The following CDYL2 variants were observed in gnomAD, a reference collection of about 807,000 sequenced individuals.
CDYL2 encodes the protein chromodomain Y-like protein 2.
In CDYL2, 23 loss-of-function variants were observed where a neutral mutation model predicts 49.4. That is an observed-to-expected ratio of 0.47 (90% CI 0.34 to 0.66). The LOEUF (loss-of-function observed/expected upper bound fraction) is 0.66. CDYL2 is among the 30% of genes least tolerant of loss of function. The pLI is 0.01. For synonymous variants in CDYL2, 360 were observed against 268.8 expected (o/e 1.34, Z -3.32); for missense variants, 678 against 656.4 (o/e 1.03, Z -0.36).
At position 80,719,925 on chromosome 16, in the gene CDYL2, G is replaced by C. The variant is rs190088040; in HGVS notation, c.25-34796C>G. Among the ~76,000 whole-genome samples the C allele has an allele frequency of 5.9e-5, 9 of 152,314 alleles. No homozygotes were observed. In the East Asian group the frequency reaches 1.5e-3, roughly 26 times the overall value. ...CCTCCCCTGGCATAGAGAGGCCAAA[G>C]GCCCTCCTCTGTACCCAAACCCTGA... On this transcript the variant is annotated intron_variant, in intron 1 of 6. Transcript: ENST00000570137.
chr16:80,660,144 C>T (rs78448787), intron 2 of CDYL2, among the ~76,000 whole-genome samples: 3,957 of 151,754 alleles, frequency 0.026, 137 homozygotes, highest in African/African-American at 0.071. Context: ...GTTCTAACAC[C>T]AAGAAAATTT....
At chr16:80,641,582 T>C (rs558398974) in intron 2 of CDYL2, among the ~76,000 whole-genome samples, 79 of 151,136 alleles carry the variant, frequency 5.2e-4, no homozygotes, top group African/African-American at 1.8e-3. Flanking sequence ...AAATGAAGAG[T>C]TCATGTCCTT....
At chr16:80,717,874 A>G (rs1016262912) in intron 1 of CDYL2, among the ~76,000 whole-genome samples, 2 of 152,258 alleles carry the variant, frequency 1.3e-5, no homozygotes, top group African/African-American at 4.8e-5. Flanking sequence ...TAGAACAGTT[A>G]TCCCACATGG....
At chr16:80,741,959 A>C (rs1905752400) in intron 1 of CDYL2, 1 of 152,278 alleles carries the variant, frequency 6.6e-6, no homozygotes, top group Non-Finnish European at 1.5e-5. Flanking sequence ...TAACCAGAAC[A>C]ATGTGCAAGG....
chr16:80,674,097 T>C (rs1030679012), intron 2 of CDYL2, among the ~76,000 whole-genome samples: 7 of 152,096 alleles, frequency 4.6e-5, no homozygotes, highest in Non-Finnish European at 8.8e-5. Flanking sequence ...AGCCACCAAG[T>C]TGGGAGGAAT....
intron 1 of CDYL2, among the ~76,000 whole-genome samples, chr16:80,753,015 A>C (rs1906188342): frequency 6.6e-6 from 1 of 152,242 alleles, no homozygotes; most frequent in African/African-American, 2.4e-5. Flanking sequence ...AATTAGTAAT[A>C]ATGACATGTG....
At position 80,736,143 on chromosome 16, in the gene CDYL2, C is replaced by T. The variant is rs550637854; in HGVS notation, c.25-51014G>A. Among the ~76,000 whole-genome samples the T allele has an allele frequency of 2.0e-5, 3 of 152,356 alleles. No individual in the cohort carries two copies. The East Asian group carries it at 5.8e-4, about 29-fold the overall frequency. Reference sequence around the variant, plus strand: ...CCCAAGGCCACTGTGTGCAAACCTCCATCTCGTGGGTTGTTCATCAGCTCC... The same window carrying T: ...CCCAAGGCCACTGTGTGCAAACCTCTATCTCGTGGGTTGTTCATCAGCTCC... On this transcript the variant is annotated intron_variant, in intron 1 of 6. Transcript: ENST00000570137.
chr16:80,679,202 TG>T (rs1258056162), intron 2 of CDYL2, among the ~76,000 whole-genome samples: 2 of 151,908 alleles, frequency 1.3e-5, no homozygotes, highest in African/African-American at 4.8e-5. Flanking sequence ...GCATGTCACA[TG>T]TATACATATG....
intron 1 of CDYL2, among the ~76,000 whole-genome samples, chr16:80,697,400 CA>C (rs1359850994): frequency 6.6e-6 from 1 of 152,028 alleles, no homozygotes; most frequent in Non-Finnish European, 1.5e-5. Context: ...CTCAACAAAT[CA>C]GGTAGACAAG....
At chr16:80,718,762 G>A (rs570817196) in intron 1 of CDYL2, among the ~76,000 whole-genome samples, 2 of 152,172 alleles carry the variant, frequency 1.3e-5, no homozygotes, top group Non-Finnish European at 2.9e-5. Context: ...ATGGGCCAGA[G>A]GGCAGCATCC....
At chr16:80,641,079 G>A (rs1023036122) in intron 2 of CDYL2, among the ~76,000 whole-genome samples, 4 of 152,096 alleles carry the variant, frequency 2.6e-5, no homozygotes, top group Non-Finnish European at 1.5e-5. Context: ...CCTAGAGAAA[G>A]ATATCAATAT....
At chr16:80,740,905 C>G (rs924761879) in intron 1 of CDYL2, among the ~76,000 whole-genome samples, 2 of 150,930 alleles carry the variant, frequency 1.3e-5, no homozygotes, top group African/African-American at 4.9e-5. Context: ...TGGGAAGTTT[C>G]ATTACTATAA....
At position 80,598,955 on chromosome 16, in the gene CDYL2, T is replaced by A. The variant is rs947695449; in HGVS notation, c.*5433A>T. The stretch of plus-strand genomic sequence containing the variant: ...CAATATTGTCACAATCCTGTCAACA[T>A]CGACACTGGCAAATGACTTCAAGCT... On this transcript the variant is annotated 3_prime_UTR_variant, in exon 7 of 7. Coordinates refer to ENST00000570137, the MANE Select transcript of CDYL2 (RefSeq NM_152342.4). 1 of 152,034 alleles carries A rather than the reference T, an allele frequency of 6.6e-6. No individual in the cohort carries two copies. Among genetic ancestry groups the A allele is most frequent in the Non-Finnish European group, 1.5e-5 (1 of 68,018 alleles). 9.4% of individuals were successfully genotyped at this position (152,034 alleles called of 1,614,324 possible). A position where few individuals can be genotyped will look rare whatever the true frequency, so the allele number is the denominator to read the frequency against.
intron 3 of CDYL2, among the ~76,000 whole-genome samples, chr16:80,628,545 G>A (rs1181731301): frequency 2.0e-5 from 3 of 152,184 alleles, no homozygotes; most frequent in Non-Finnish European, 4.4e-5. Context: ...CCACTTGACA[G>A]CAGCCTTGTA....
In CDYL2 at chr16:80,607,684, G is replaced by T. The variant is rs545266355; in HGVS notation, c.1362+408C>A. Among the ~76,000 whole-genome samples the T allele has an allele frequency of 8.8e-4, 134 of 152,350 alleles. 1 individual carries two copies. Among genetic ancestry groups the T allele is most frequent in the African/African-American group, 3.1e-3 (128 of 41,572 alleles). On this transcript the variant is annotated intron_variant, in intron 6 of 6. Coordinates refer to ENST00000570137, the MANE Select transcript of CDYL2 (RefSeq NM_152342.4). ...CGAGCAGTCGGTGGAGAAAACAAAT[G>T]AAATAGAGGCATGGTGTGTACAGCT... is the stretch of plus-strand genomic sequence containing the variant.
intron 2 of CDYL2, among the ~76,000 whole-genome samples, chr16:80,652,719 G>A (rs1254585707): frequency 6.6e-6 from 1 of 152,162 alleles, no homozygotes; most frequent in Non-Finnish European, 1.5e-5. Context: ...ATGAACTATA[G>A]ACCTGATAGG....
chr16:80,804,625 C>T (rs1324869658), upstream of CDYL2, among the ~76,000 whole-genome samples: 1 of 145,478 alleles, frequency 6.9e-6, no homozygotes, highest in Admixed American at 6.8e-5. Context: ...CCCGGGAGCC[C>T]GGCCCGGCCC....
chr16:80,716,706 G>C (rs1272097233), intron 1 of CDYL2, among the ~76,000 whole-genome samples: 2 of 151,906 alleles, frequency 1.3e-5, no homozygotes, highest in South Asian at 2.1e-4. Flanking sequence ...TGAATGAATG[G>C]ATAGATATAG....
At chr16:80,608,368 T>G in intron 5 of CDYL2, 133 bp from the exon 6 acceptor site, 2 of 987,188 alleles carry the variant, frequency 2.0e-6, no homozygotes, top group Non-Finnish European at 2.9e-6. Flanking sequence ...TATCTTATTT[T>G]GGGGTCAGAT....
Sources: allele counts gnomAD v4.1 joint callset (sites outside exome capture counted in the v4.1 genomes callset), GRCh38; gene constraint gnomAD v4.1.1; transcripts MANE v1.5; gene names NCBI Gene and HGNC (gene_info 2026-07-23, HGNC 2026-07-21).